The following LRP6 variants were observed in gnomAD, a reference collection of about 807,000 sequenced individuals.
LRP6 encodes the protein LDL receptor related protein 6, also known as low-density lipoprotein receptor-related protein 6.
In LRP6, 43 loss-of-function variants were observed where a neutral mutation model predicts 184.1. The ratio of observed to expected loss-of-function variants is 0.23; its 90% confidence interval spans 0.18 to 0.30. The LOEUF is 0.30. LRP6 is among the 10% of genes least tolerant of loss of function. The pLI is 1.00. For synonymous variants in LRP6, 719 were observed against 684.9 expected (o/e 1.05, Z -0.78); for missense variants, 1,571 against 2,005.3 (o/e 0.78, Z 4.14).
intron 1 of LRP6, among the ~76,000 whole-genome samples, chr12:12,265,311 T>C (rs1196572144): frequency 6.6e-6 from 1 of 152,198 alleles, no homozygotes; most frequent in Non-Finnish European, 1.5e-5. Flanking sequence ...GGTTTACATG[T>C]GGGAAAACTT....
intron 1 of LRP6, among the ~76,000 whole-genome samples, chr12:12,262,671 AT>A (rs1865649033): frequency 6.6e-6 from 1 of 152,110 alleles, no homozygotes; most frequent in African/African-American, 2.4e-5. Flanking sequence ...ATCAGATATT[AT>A]TTTTTCTCAT....
intron 1 of LRP6, among the ~76,000 whole-genome samples, chr12:12,257,684 G>A (rs546601681): frequency 1.5e-5 from 2 of 136,272 alleles, no homozygotes; most frequent in South Asian, 2.4e-4. Flanking sequence ...GCTCATGCCT[G>A]TAATCGCAAG....
chr12:12,188,267 T>C (rs933327152), intron 3 of LRP6, among the ~76,000 whole-genome samples: 4 of 145,288 alleles, frequency 2.8e-5, no homozygotes, highest in Admixed American at 6.8e-5. Context: ...AATGAACAAA[T>C]CACGTTTTGA....
At chr12:12,203,563 G>C (rs1433711268) in intron 2 of LRP6, among the ~76,000 whole-genome samples, 163 bp from the exon 3 acceptor site, 2 of 152,116 alleles carry the variant, frequency 1.3e-5, no homozygotes, top group Non-Finnish European at 2.9e-5. Context: ...TCAAGAGATC[G>C]AGACCATCCT....
chr12:12,251,234 A>T (rs1591987670), intron 1 of LRP6, among the ~76,000 whole-genome samples: 1 of 152,252 alleles, frequency 6.6e-6, no homozygotes, highest in South Asian at 2.1e-4. Context: ...GCCCAGCCAA[A>T]GCCGGCTAAG....
intron 3 of LRP6, among the ~76,000 whole-genome samples, chr12:12,187,968 T>C (rs1461867423): frequency 6.6e-6 from 1 of 151,866 alleles, no homozygotes; most frequent in Non-Finnish European, 1.5e-5. Flanking sequence ...TCCCAGCACT[T>C]TGGGAGGCCG....
At chr12:12,175,379 A>T (rs1407123060) in intron 7 of LRP6, among the ~76,000 whole-genome samples, 1 of 151,474 alleles carries the variant, frequency 6.6e-6, no homozygotes, top group Non-Finnish European at 1.5e-5. Flanking sequence ...ACAGAGTGAG[A>T]CCCTGTCTCA....
chr12:12,249,302 T>G, intron 1 of LRP6: 1 of 1,133,750 alleles, frequency 8.8e-7, no homozygotes, highest in South Asian at 1.2e-5. Context: ...CCAAGAGCCA[T>G]ATCAGTGCTA....
intron 12 of LRP6, among the ~76,000 whole-genome samples, chr12:12,153,890 T>C (rs1468842317): frequency 6.6e-6 from 1 of 152,212 alleles, no homozygotes; most frequent in Non-Finnish European, 1.5e-5. Flanking sequence ...ACAAAGGTGT[T>C]GCTCTTGTTT....
In LRP6 at chr12:12,214,315, C is replaced by T. The variant is rs140673045; in HGVS notation, c.450-10915G>A. ...ACATCTCAGTTAATATTTACAAGCA[C>T]TGGATACAAATACTTCCTTTATGTT... is the stretch of plus-strand genomic sequence containing the variant. On this transcript the variant is annotated intron_variant, in intron 2 of 22. Coordinates refer to ENST00000261349, the MANE Select transcript of LRP6 (RefSeq NM_002336.3). Among the ~76,000 whole-genome samples the T allele has an allele frequency of 2.3e-3, 353 of 152,286 alleles. 1 individual carries two copies. Among genetic ancestry groups the T allele is most frequent in the African/African-American group, 8.2e-3 (342 of 41,558 alleles).
At chr12:12,211,448 A>G (rs1465475543) in intron 2 of LRP6, among the ~76,000 whole-genome samples, 1 of 152,190 alleles carries the variant, frequency 6.6e-6, no homozygotes, top group Non-Finnish European at 1.5e-5. Context: ...TCTCAAAAAA[A>G]GAGAGTCTGG....
At chr12:12,224,616 G>C (rs909997560) in intron 2 of LRP6, among the ~76,000 whole-genome samples, 1 of 152,100 alleles carries the variant, frequency 6.6e-6, no homozygotes, top group Non-Finnish European at 1.5e-5. Flanking sequence ...ATTAATGAAA[G>C]CTTGAAAACA....
At chr12:12,150,130 T>C (rs1950062358) in intron 13 of LRP6, among the ~76,000 whole-genome samples, 1 of 151,302 alleles carries the variant, frequency 6.6e-6, no homozygotes, top group Non-Finnish European at 1.5e-5. Context: ...TAATTATTTA[T>C]AGTATTATAA....
intron 3 of LRP6, 95 bp from the exon 4 acceptor site, chr12:12,187,214 T>C: frequency 2.0e-6 from 2 of 998,780 alleles, no homozygotes; most frequent in South Asian, 2.8e-5. Context: ...TAGTTCACAT[T>C]AACACATACA....
At chr12:12,222,149 AT>A (rs571727460) in intron 2 of LRP6, among the ~76,000 whole-genome samples, 78 of 152,202 alleles carry the variant, frequency 5.1e-4, no homozygotes, top group Non-Finnish European at 1.0e-3. Flanking sequence ...TAAGCAGTAA[AT>A]TTTACTAAGT....
intron 13 of LRP6, among the ~76,000 whole-genome samples, chr12:12,150,015 C>T (rs1591888242): frequency 6.6e-6 from 1 of 152,212 alleles, no homozygotes; most frequent in East Asian, 1.9e-4. Flanking sequence ...CCTCCTTGGT[C>T]TTTATTTTAA....
At chr12:12,201,995 A>C (rs1278163815) in intron 3 of LRP6, among the ~76,000 whole-genome samples, 2 of 152,224 alleles carry the variant, frequency 1.3e-5, no homozygotes, top group Non-Finnish European at 2.9e-5. Flanking sequence ...TACTTTGAAA[A>C]AATCCTACAG....
At chr12:12,244,234 G>A in intron 2 of LRP6, 28 bp downstream of exon 2, 1 of 1,613,050 alleles carries the variant, frequency 6.2e-7, no homozygotes, top group Non-Finnish European at 8.5e-7. Flanking sequence ...GAGGTATGAT[G>A]ATCTTCGTAC....
chr12:12,236,095 C>T (rs1338919425), intron 2 of LRP6, among the ~76,000 whole-genome samples: 7 of 152,000 alleles, frequency 4.6e-5, no homozygotes, highest in Non-Finnish European at 1.0e-4. Context: ...GGCGTGGTGG[C>T]GGGTGCCTGT....
Sources: allele counts gnomAD v4.1 joint callset (sites outside exome capture counted in the v4.1 genomes callset), GRCh38; gene constraint gnomAD v4.1.1; transcripts MANE v1.5; gene names NCBI Gene and HGNC (gene_info 2026-07-23, HGNC 2026-07-21).